Variants in ZC3H12C observed in about 807,000 individuals in gnomAD.
ZC3H12C encodes the protein probable ribonuclease ZC3H12C.
In ZC3H12C, 20 loss-of-function variants were observed where a neutral mutation model predicts 76.3. That is an observed-to-expected ratio of 0.26 (90% CI 0.18 to 0.38). The LOEUF (loss-of-function observed/expected upper bound fraction) is 0.38, where lower values mean the gene tolerates loss of function less well. ZC3H12C is among the 10% of genes least tolerant of loss of function. The pLI is 1.00. For synonymous variants in ZC3H12C, 352 were observed against 399.6 expected (o/e 0.88, Z 1.42); for missense variants, 874 against 1,086.5 (o/e 0.80, Z 2.75).
At chr11:110,126,994 C>T (rs1230340986) in intron 1 of ZC3H12C, among the ~76,000 whole-genome samples, 1 of 151,708 alleles carries the variant, frequency 6.6e-6, no homozygotes, top group Non-Finnish European at 1.5e-5. Flanking sequence ...TATATTTTTC[C>T]AGAAGTTACT....
In ZC3H12C at chr11:110,157,178, CA is replaced by C. The variant is rs564780227; in HGVS notation, c.914-2063del. 3.9e-3 allele frequency among the ~76,000 whole-genome samples: 393 copies of C among 101,328 alleles called. 1 individual carries two copies. Among genetic ancestry groups the C allele is most frequent in the African/African-American group, 0.011 (327 of 28,520 alleles). 66.5% of individuals were successfully genotyped at this position (101,328 alleles called of 152,430 possible). On this transcript the variant is annotated intron_variant, in intron 3 of 5. Coordinates refer to ENST00000278590, the MANE Select transcript of ZC3H12C (RefSeq NM_033390.2). ...TGGGTGACGGAGCAAGACTCCGTCT[CA>C]AAAAAAAAAAAAAACAGAGAGATCA...
intron 1 of ZC3H12C, among the ~76,000 whole-genome samples, chr11:110,097,014 CTA>C (rs1200556623): frequency 6.6e-6 from 1 of 152,104 alleles, no homozygotes; most frequent in African/African-American, 2.4e-5. Context: ...TTTTCTCAGA[CTA>C]TAGAAATGTA....
chr11:110,137,562 G>T, intron 2 of ZC3H12C, 148 bp downstream of exon 2: 1 of 1,060,214 alleles, frequency 9.4e-7, no homozygotes, highest in East Asian at 2.7e-5. Context: ...TTAGTTTTCC[G>T]TCTCTCTTCT....
intron 1 of ZC3H12C, among the ~76,000 whole-genome samples, chr11:110,093,792 C>A (rs1416726712): frequency 6.6e-6 from 1 of 152,062 alleles, no homozygotes; most frequent in Non-Finnish European, 1.5e-5. Context: ...GGCTCGGGCG[C>A]CGCGGATGGA....
intron 1 of ZC3H12C, among the ~76,000 whole-genome samples, chr11:110,133,877 T>A (rs1373988663): frequency 6.6e-6 from 1 of 152,198 alleles, no homozygotes; most frequent in Admixed American, 6.5e-5. Flanking sequence ...TTGCAGTATC[T>A]GATTTTGTTA....
intron 1 of ZC3H12C, among the ~76,000 whole-genome samples, chr11:110,119,397 T>C (rs1591466149): frequency 9.3e-5 from 1 of 10,736 alleles, no homozygotes. Context: ...CCAGACATCC[T>C]TCAATCAGAA....
chr11:110,131,710 G>A (rs894671482), intron 1 of ZC3H12C: 9 of 152,270 alleles, frequency 5.9e-5, no homozygotes, highest in African/African-American at 1.9e-4. Flanking sequence ...GTCATTCCAA[G>A]AACTATTTTC....
intron 1 of ZC3H12C, among the ~76,000 whole-genome samples, chr11:110,121,392 G>C (rs1861648750): frequency 6.6e-6 from 1 of 152,190 alleles, no homozygotes; most frequent in Non-Finnish European, 1.5e-5. Context: ...TGCTTTGGCA[G>C]CTGTTCAGGA....
intron 1 of ZC3H12C, among the ~76,000 whole-genome samples, chr11:110,131,995 G>A (rs1041441227): frequency 6.6e-6 from 1 of 152,184 alleles, no homozygotes; most frequent in Non-Finnish European, 1.5e-5. Context: ...GAGGGATGCA[G>A]ACAACAGCAC....
chr11:110,146,225 T>C (rs1296524593), intron 2 of ZC3H12C, among the ~76,000 whole-genome samples: 2 of 152,098 alleles, frequency 1.3e-5, no homozygotes, highest in Non-Finnish European at 2.9e-5. Context: ...CCTGACCTCA[T>C]GATCCGCCCG....
At chr11:110,126,453 C>T (rs1179333886) in intron 1 of ZC3H12C, among the ~76,000 whole-genome samples, 2 of 152,176 alleles carry the variant, frequency 1.3e-5, no homozygotes, top group African/African-American at 4.8e-5. Context: ...CTCCTGGGCT[C>T]AAGCAGTCCT....
rs555968980 is a variant in ZC3H12C at position 110,110,404 on chromosome 11, C to G, written c.21+16972C>G. 9.0e-4 allele frequency among the ~76,000 whole-genome samples: 137 copies of G among 152,050 alleles called. No homozygotes were observed. The South Asian group carries it at 0.027, about 31-fold the overall frequency. On this transcript the variant is annotated intron_variant, in intron 1 of 5. Transcript: ENST00000278590. ...GCCAGCACCTATGGCTTTTCTTTGGCCCCCACTGTACTCTTTTTTACCAGT... is the reference window on the plus strand; with the variant it reads ...GCCAGCACCTATGGCTTTTCTTTGGGCCCCACTGTACTCTTTTTTACCAGT...
intron 1 of ZC3H12C, among the ~76,000 whole-genome samples, chr11:110,099,244 G>C (rs960623335): frequency 3.3e-5 from 5 of 152,108 alleles, no homozygotes; most frequent in African/African-American, 1.2e-4. Context: ...TGGAGTCCTA[G>C]AAATAGTGAT....
In ZC3H12C at chr11:110,137,108, C is replaced by G; in HGVS notation, c.467C>G (p.Pro156Arg). The G allele has an allele frequency of 6.2e-7, 1 of 1,613,868 alleles. No homozygotes were observed. Residue 156 changes from proline to arginine, a missense_variant, in exon 2 of 6, where the codon CCT becomes CGT. By Grantham distance (103) the Pro-to-Arg change is moderately radical. Around this residue, in one of 3 missense-constraint regions of ZC3H12C, gnomAD observed 210 missense variants for 227.1 expected, o/e 0.92. Transcript: ENST00000278590. ...ACATCCAAGGAAGCAAAGAAACCAC[C>G]TGATGTGGTGCGAGAATACCAAACA... ...QTTSKEAKKP[P>R]DVVREYQTKL...
intron 2 of ZC3H12C, among the ~76,000 whole-genome samples, chr11:110,149,539 C>T (rs543350464): frequency 2.0e-5 from 3 of 152,348 alleles, no homozygotes; most frequent in South Asian, 4.1e-4. Context: ...TGAGTTCCTA[C>T]TTTCACACAT....
chr11:110,165,166 A>G lies in ZC3H12C; in HGVS notation c.2081A>G (p.Glu694Gly), dbSNP rs1381896655. The G allele has an allele frequency of 1.9e-6, 3 of 1,613,866 alleles. No homozygotes were observed. In the South Asian group the frequency reaches 3.3e-5, roughly 18 times the overall value. The change falls in exon 6 of 6, where the codon GAA becomes GGA. Residue 694 changes from glutamate (E) to glycine (G), a missense_variant. This residue lies in a region of ZC3H12C where 395 missense variants were observed against 434.4 expected (regional missense o/e 0.91). Transcript: ENST00000278590. ...LTRGQSYSHEEPKFHHKPPLP... is the reference protein window; with the variant it reads ...LTRGQSYSHEGPKFHHKPPLP... ...AGAGGGCAAAGTTACAGTCACGAAG[A>G]ACCAAAGTTCCATCACAAGCCTCCT...
At chr11:110,151,670 C>T (rs902854897) in intron 2 of ZC3H12C, among the ~76,000 whole-genome samples, 35 of 152,132 alleles carry the variant, frequency 2.3e-4, no homozygotes, top group African/African-American at 8.0e-4. Context: ...ATTCACCAGG[C>T]TATCGGGTCA....
rs150689099 is a variant in ZC3H12C at position 110,108,611 on chromosome 11, T to C, written c.21+15179T>C. Among the ~76,000 whole-genome samples the C allele has an allele frequency of 4.4e-4, 67 of 152,318 alleles. No homozygotes were observed. In the East Asian group the frequency reaches 0.013, roughly 29 times the overall value. ...TTACTAAAATTTTGCTCCTGGACTC[T>C]TTTTCTACACTCTTCCAAAATAGTC... On this transcript the variant is annotated intron_variant, in intron 1 of 5. Coordinates refer to ENST00000278590, the MANE Select transcript of ZC3H12C (RefSeq NM_033390.2).
chr11:110,161,512 TAAA>T (rs1862481754), intron 4 of ZC3H12C, among the ~76,000 whole-genome samples: 2 of 152,214 alleles, frequency 1.3e-5, no homozygotes, highest in Non-Finnish European at 2.9e-5. Flanking sequence ...TTGTGCTAAT[TAAA>T]AATGCAAATG....
Sources: allele counts gnomAD v4.1 joint callset (sites outside exome capture counted in the v4.1 genomes callset), GRCh38; gene constraint gnomAD v4.1.1; regional missense constraint gnomAD v4.1.1; transcripts MANE v1.5; gene names NCBI Gene and HGNC (gene_info 2026-07-23, HGNC 2026-07-21).